ADCY10: variants seen among roughly 807,000 people sequenced by gnomAD.
ADCY10 encodes adenylate cyclase 10.
In ADCY10, 156 loss-of-function variants were observed where a neutral mutation model predicts 183.3. The ratio of observed to expected loss-of-function variants is 0.85; its 90% CI spans 0.75 to 0.97. ADCY10 has a LOEUF of 0.97. ADCY10 is among the 50% of genes least tolerant of loss of function. ADCY10 has a pLI of 0.00. For synonymous variants in ADCY10, 645 were observed against 670.0 expected (o/e 0.96, Z 0.58); for missense variants, 1,745 against 1,934.3 (o/e 0.90, Z 1.84).
chr1:167,896,527 C>A, intron 7 of ADCY10, 68 bp downstream of exon 7: 2 of 1,254,486 alleles, frequency 1.6e-6, no homozygotes, highest in South Asian at 2.4e-5. Context: ...ATGAAGCTGT[C>A]GGCATTGATA....
chr1:167,851,109 G>A (rs928699229), intron 18 of ADCY10, among the ~76,000 whole-genome samples: 10 of 152,040 alleles, frequency 6.6e-5, no homozygotes, highest in African/African-American at 2.4e-4. Flanking sequence ...TTGAATATAA[G>A]TCACATACAT....
At chr1:167,826,282 C>T (rs188996256) in intron 26 of ADCY10, among the ~76,000 whole-genome samples, 2 of 152,212 alleles carry the variant, frequency 1.3e-5, no homozygotes, top group African/African-American at 4.8e-5. Flanking sequence ...AAGCCTAGGA[C>T]CTCTTGGATT....
At chr1:167,883,280 C>T (rs1034805122) in intron 9 of ADCY10, among the ~76,000 whole-genome samples, 157 bp downstream of exon 9, 8 of 152,232 alleles carry the variant, frequency 5.3e-5, no homozygotes, top group Admixed American at 3.9e-4. Flanking sequence ...TCAAGTGATC[C>T]GCCCACCTCT....
At chr1:167,862,255 A>C (rs778597495) in intron 14 of ADCY10, among the ~76,000 whole-genome samples, 56 of 152,218 alleles carry the variant, frequency 3.7e-4, no homozygotes, top group Non-Finnish European at 7.1e-4. Flanking sequence ...CTTATTTGAA[A>C]AGAGAGTCGT....
At chr1:167,906,026 A>G (rs1421103907) in intron 1 of ADCY10, among the ~76,000 whole-genome samples, 1 of 152,190 alleles carries the variant, frequency 6.6e-6, no homozygotes, top group African/African-American at 2.4e-5. Flanking sequence ...TTGTTTTTTT[A>G]AGAAAAGGAA....
At chr1:167,850,426 C>T (rs137875564) in intron 18 of ADCY10, among the ~76,000 whole-genome samples, 52 of 151,948 alleles carry the variant, frequency 3.4e-4, no homozygotes, top group African/African-American at 1.2e-3. Flanking sequence ...GGTTAGGGTT[C>T]GACACACACG....
Position 167,823,394 on chromosome 1 carries a change from C to T in ADCY10, c.4053-271G>A, listed in dbSNP as rs555224067. On this transcript the variant is annotated intron_variant, in intron 28 of 32. Transcript: ENST00000367851. ...GAGCCAATAACGCACCACTGCACTC[C>T]AGCCTGGGCAAAAGAGCGAAACTCC... Among the ~76,000 whole-genome samples the T allele has an allele frequency of 9.6e-5, 13 of 135,172 alleles. No individual in the cohort carries two copies. The South Asian group carries it at 3.0e-3, about 31-fold the overall frequency. 88.7% of individuals were successfully genotyped at this position (135,172 alleles called of 152,430 possible). A position where few individuals can be genotyped will look rare whatever the true frequency, so the allele number is the denominator to read the frequency against.
In ADCY10 at chr1:167,833,976, T is replaced by C. The variant is rs1335640996; in HGVS notation, c.3411A>G (p.Lys1137=). ...TFESATFYSL[K]GEVCFNMGQI... The stretch of plus-strand genomic sequence containing the variant: ...GTCTTTAATGGTTTCTTACCTCACC[T>C]TTGAGGCTGTAAAAGGTGGCAGACT... Residue 1137 remains lysine (K), a synonymous_variant, in exon 24 of 33, where the codon AAA becomes AAG. Coordinates refer to ENST00000367851, the MANE Select transcript of ADCY10 (RefSeq NM_018417.6). The C allele has an allele frequency of 6.2e-7, 1 of 1,613,618 alleles. No individual in the cohort carries two copies. The highest frequency in any genetic ancestry group is 1.1e-5 in the South Asian group (1 of 91,072).
At chr1:167,848,593 C>A in intron 18 of ADCY10, 104 bp from the exon 19 acceptor site, 1 of 1,255,146 alleles carries the variant, frequency 8.0e-7, no homozygotes, top group Non-Finnish European at 1.2e-6. Flanking sequence ...GAAGACTGGG[C>A]AGAGATGTAT....
chr1:167,889,535 C>CT (rs375919941), intron 8 of ADCY10, among the ~76,000 whole-genome samples: 2 of 152,046 alleles, frequency 1.3e-5, no homozygotes, highest in Non-Finnish European at 2.9e-5. Context: ...CTGTAGCTTT[C>CT]TTTTTTTGAT....
chr1:167,877,176 A>T (rs1004558908), intron 12 of ADCY10, among the ~76,000 whole-genome samples: 5 of 151,386 alleles, frequency 3.3e-5, no homozygotes, highest in Non-Finnish European at 7.4e-5. Flanking sequence ...GCCATAGACA[A>T]GTCATTTAAC....
intron 1 of ADCY10, among the ~76,000 whole-genome samples, chr1:167,910,178 C>G (rs1044472868): frequency 6.6e-6 from 1 of 152,154 alleles, no homozygotes; most frequent in South Asian, 2.1e-4. Context: ...GTGGCTCGTC[C>G]TGCTACAATG....
chr1:167,875,086 G>GTTTTAT, intron 13 of ADCY10, 45 bp downstream of exon 13: 1 of 1,481,058 alleles, frequency 6.8e-7, no homozygotes, highest in South Asian at 1.1e-5. Flanking sequence ...TGCATGTTTT[G>GTTTTAT]TTTTAGTTCA....
intron 1 of ADCY10, among the ~76,000 whole-genome samples, chr1:167,913,078 C>A (rs747712431): frequency 2.0e-5 from 3 of 152,064 alleles, no homozygotes; most frequent in Non-Finnish European, 2.9e-5. Context: ...TTGATGGTAC[C>A]CTTATCAACT....
intron 21 of ADCY10, 31 bp from the exon 22 acceptor site, chr1:167,837,349 C>A: frequency 6.4e-7 from 1 of 1,566,050 alleles, no homozygotes; most frequent in South Asian, 1.1e-5. Context: ...TTGTATGGGT[C>A]ATTGAAATGT....
intron 1 of ADCY10, among the ~76,000 whole-genome samples, chr1:167,908,531 C>T (rs935516349): frequency 1.3e-5 from 2 of 152,048 alleles, no homozygotes; most frequent in Admixed American, 6.6e-5. Flanking sequence ...TTCAAAATGG[C>T]TAAGAGAGTA....
intron 6 of ADCY10, 30 bp from the exon 7 acceptor site, chr1:167,896,721 T>C (rs1244370435): frequency 2.1e-6 from 3 of 1,440,070 alleles, no homozygotes; most frequent in Admixed American, 1.7e-5. Context: ...AAGTTTTCAG[T>C]TATTCTGAGA....
chr1:167,893,439 G>A (rs1445481447), intron 8 of ADCY10, among the ~76,000 whole-genome samples: 1 of 152,160 alleles, frequency 6.6e-6, no homozygotes, highest in Admixed American at 6.5e-5. Flanking sequence ...TAGGCTCAGT[G>A]TGGTGGCTCA....
intron 13 of ADCY10, among the ~76,000 whole-genome samples, chr1:167,873,160 T>C (rs1667225396): frequency 6.6e-6 from 1 of 152,158 alleles, no homozygotes; most frequent in South Asian, 2.1e-4. Context: ...GTTAGGATTC[T>C]GTTGCTGTCA....
Sources: allele counts gnomAD v4.1 joint callset (sites outside exome capture counted in the v4.1 genomes callset), GRCh38; gene constraint gnomAD v4.1.1; transcripts MANE v1.5; gene names NCBI Gene and HGNC (gene_info 2026-07-23, HGNC 2026-07-21).